The following SLC9A7 variants were observed in gnomAD, a reference collection of about 807,000 sequenced individuals.
The protein encoded by SLC9A7 is sodium/hydrogen exchanger 7.
In SLC9A7, 19 loss-of-function variants were observed where a neutral mutation model predicts 52.6. The ratio of observed to expected loss-of-function variants is 0.36; its 90% confidence interval spans 0.25 to 0.53. The LOEUF is 0.53. Among genes scored for constraint, SLC9A7 ranks in the 20% least tolerant of loss-of-function variants. SLC9A7 has a pLI of 0.91. For missense variants in SLC9A7, 455 were observed against 597.9 expected (o/e 0.76, Z 2.49); for synonymous variants, 226 against 252.1 (o/e 0.90, Z 0.98).
At chrX:46,701,152 T>C (rs1944524559) in intron 1 of SLC9A7, among the ~76,000 whole-genome samples, 1 of 111,505 alleles carries the variant, frequency 9.0e-6, no homozygotes, top group African/African-American at 3.3e-5. Context: ...GAAAATATGT[T>C]ATGTTTAGAA....
intron 3 of SLC9A7, among the ~76,000 whole-genome samples, chrX:46,673,355 A>AACACACAC (rs57016133): frequency 4.9e-5 from 5 of 102,639 alleles, no homozygotes; most frequent in Admixed American, 2.1e-4. Context: ...TAAAAATATA[A>AACACACAC]ACACACACAC....
intron 10 of SLC9A7, 75 bp from the exon 11 acceptor site, chrX:46,648,872 G>C: frequency 1.4e-6 from 1 of 723,209 alleles, no homozygotes; most frequent in South Asian, 2.3e-5. Flanking sequence ...GCTGAGCAGA[G>C]AATTTTAGGA....
At chrX:46,647,440 C>T (rs1819421476) in intron 11 of SLC9A7, 1 of 116,989 alleles carries the variant, frequency 8.5e-6, no homozygotes, top group South Asian at 3.4e-4. Context: ...TTTCTGCCTT[C>T]CCAAACTGCT....
At chrX:46,738,415 CTATT>C (rs1488426272) in intron 1 of SLC9A7, among the ~76,000 whole-genome samples, 2 of 112,097 alleles carry the variant, frequency 1.8e-5, no homozygotes, top group Non-Finnish European at 3.8e-5. Context: ...AAACCCAACT[CTATT>C]TAGGAATTTT....
In SLC9A7 at chrX:46,600,225, C is replaced by T. The variant is rs1355507197; in HGVS notation, c.*6727G>A. On this transcript the variant is annotated 3_prime_UTR_variant, in exon 17 of 17. Transcript: ENST00000616978. ...CATGCAGTTAAGTCATCCAGTAACA[C>T]CTGAATTGTAGCCTTTTTTAAGTGC... The T allele has an allele frequency of 2.7e-5, 3 of 112,203 alleles. No homozygotes were observed. The highest frequency in any genetic ancestry group is 5.6e-5 in the Non-Finnish European group (3 of 53,292). The allele number at this position is 112,203 out of a possible 1,213,427, so 9.2% of individuals were successfully genotyped here.
In SLC9A7 at chrX:46,643,343, T is replaced by C. The variant is rs748316531; in HGVS notation, c.1509A>G (p.Ala503=). ...MAFALAIRDT[A]SYARQMMFTT... is the part of the protein sequence containing the mutation. ...TGAACATCATCTGGCGAGCATAGGA[T>C]GCCGTGTCACGGATGGCCAACGCAA... The change falls in exon 12 of 17, where the codon GCA becomes GCG. Residue 503 remains alanine, a synonymous_variant. Coordinates refer to ENST00000616978, the MANE Select transcript of SLC9A7 (RefSeq NM_001257291.2). 2 of 1,211,223 alleles carry C rather than the reference T, an allele frequency of 1.7e-6. No individual in the cohort carries two copies. Among genetic ancestry groups the C allele is most frequent in the African/African-American group, 3.5e-5 (2 of 57,812 alleles).
chrX:46,675,107 G>A lies in SLC9A7; in HGVS notation c.604-2480C>T, dbSNP rs868591252. ...TGTGTGTGTGTGTGTGTGTGTGTGT[G>A]TGTGTGTGTGTGTTTGGTGGGGGAG... is the stretch of plus-strand genomic sequence containing the variant. On this transcript the variant is annotated intron_variant, in intron 3 of 16. Transcript: ENST00000616978. Among the ~76,000 whole-genome samples, 8 of 99,476 alleles carry A rather than the reference G, an allele frequency of 8.0e-5. No individual in the cohort carries two copies. The Admixed American group carries it at 8.5e-4, about 11-fold the overall frequency. The allele number at this position is 99,476 out of a possible 115,157, so 86.4% of individuals were successfully genotyped here. A position where few individuals can be genotyped will look rare whatever the true frequency, so the allele number is the denominator to read the frequency against.
chrX:46,747,502 A>C (rs1921867113), intron 1 of SLC9A7, among the ~76,000 whole-genome samples: 1 of 111,803 alleles, frequency 8.9e-6, no homozygotes, highest in South Asian at 3.7e-4. Context: ...TTTTTAAAAA[A>C]ACAGGTAAAC....
chrX:46,680,785 A>C (rs5905555), intron 2 of SLC9A7, among the ~76,000 whole-genome samples: 25,870 of 111,765 alleles, frequency 0.23, 2,459 homozygotes, highest in South Asian at 0.4. Context: ...CCTTCATTCT[A>C]GTTATTAAAT....
intron 12 of SLC9A7, among the ~76,000 whole-genome samples, chrX:46,642,933 G>A (rs1943429375): frequency 8.9e-6 from 1 of 111,786 alleles, no homozygotes; most frequent in Non-Finnish European, 1.9e-5. Context: ...CTCTCCCGCA[G>A]CTTTAAGACT....
chrX:46,716,575 C>A (rs757939816), intron 1 of SLC9A7, among the ~76,000 whole-genome samples: 2 of 111,104 alleles, frequency 1.8e-5, no homozygotes, highest in African/African-American at 3.3e-5. Context: ...CACTCACTCA[C>A]CCCCTAAAAC....
chrX:46,662,751 A>G (rs1395035724), intron 5 of SLC9A7, 108 bp from the exon 6 acceptor site: 1 of 515,357 alleles, frequency 1.9e-6, no homozygotes, highest in African/African-American at 2.4e-5. Flanking sequence ...TGGGTGATTC[A>G]AGAGATAGCA....
intron 3 of SLC9A7, among the ~76,000 whole-genome samples, chrX:46,675,258 C>A (rs1360400363): frequency 9.0e-6 from 1 of 110,845 alleles, no homozygotes; most frequent in East Asian, 2.8e-4. Flanking sequence ...AAGCCCAGGT[C>A]TGCATGATAG....
chrX:46,686,101 TATCATATTTACA>T (rs1407531702), intron 1 of SLC9A7, among the ~76,000 whole-genome samples: 1 of 112,374 alleles, frequency 8.9e-6, no homozygotes, highest in Non-Finnish European at 1.9e-5. Flanking sequence ...TAATCATCAC[TATCATATTTACA>T]ATCATCACCA....
chrX:46,653,825 CTTTT>C, intron 7 of SLC9A7, 111 bp from the exon 8 acceptor site: 1 of 413,684 alleles, frequency 2.4e-6, no homozygotes, highest in Non-Finnish European at 4.1e-6. Flanking sequence ...TCCCTTCAAC[CTTTT>C]TTTTTTTTTG....
intron 11 of SLC9A7, among the ~76,000 whole-genome samples, chrX:46,647,979 C>T (rs1325453070): frequency 1.8e-5 from 2 of 112,350 alleles, no homozygotes; most frequent in African/African-American, 3.2e-5. Flanking sequence ...ATAAAGCTGA[C>T]GCTTACCACC....
At chrX:46,688,748 T>C (rs1433566719) in intron 1 of SLC9A7, among the ~76,000 whole-genome samples, 1 of 111,236 alleles carries the variant, frequency 9.0e-6, no homozygotes, top group Non-Finnish European at 1.9e-5. Flanking sequence ...ATGCTGAGCA[T>C]CTTTTTATGT....
intron 1 of SLC9A7, among the ~76,000 whole-genome samples, chrX:46,696,659 C>A (rs1304449610): frequency 3.6e-5 from 4 of 111,397 alleles, no homozygotes; most frequent in African/African-American, 1.3e-4. Flanking sequence ...ATGGTAGAAA[C>A]TGGACATATG....
At position 46,662,551 on chromosome X, in the gene SLC9A7, T is replaced by C. The variant is rs1186071787; in HGVS notation, c.886A>G (p.Ile296Val). The change falls in exon 6 of 17, where the codon ATT (isoleucine) becomes GTT (valine). Residue 296 changes from isoleucine (I) to valine (V), a missense_variant. Transcript: ENST00000616978. ...ACTGCTACTTACGAGGACAGTACAATGGCAACAGCATCATTTAGGACGCTC... is the reference window on the plus strand; with the variant it reads ...ACTGCTACTTACGAGGACAGTACAACGGCAACAGCATCATTTAGGACGCTC... ...GESVLNDAVA[I>V]VLSSSIVAYQ... 1.7e-6 allele frequency: 2 copies of C among 1,203,061 alleles called. No individual in the cohort carries two copies. Among genetic ancestry groups the C allele is most frequent in the Admixed American group, 2.2e-5 (1 of 45,716 alleles).
Sources: gnomAD v4.1 joint callset for allele counts (sites outside exome capture counted in the v4.1 genomes callset) on GRCh38, gnomAD v4.1.1 for gene constraint, MANE v1.5 for transcripts, NCBI Gene and HGNC (gene_info 2026-07-23, HGNC 2026-07-21) for gene names.